Variants in LATS2 observed in about 807,000 individuals in gnomAD.
The protein encoded by LATS2 is serine/threonine-protein kinase LATS2.
A neutral mutation model predicts 76.0 loss-of-function variants in LATS2; 24 were observed. The ratio of observed to expected loss-of-function variants is 0.32; its 90% confidence interval spans 0.23 to 0.44. The LOEUF is 0.44. Among genes scored for constraint, LATS2 ranks in the 20% least tolerant of loss-of-function variants. The probability of loss-of-function intolerance (pLI) is 1.00; values close to 1 mark genes in which losing one functional copy is unlikely to be tolerated. For synonymous variants in LATS2, 692 were observed against 635.4 expected (o/e 1.09, Z -1.34); for missense variants, 1,286 against 1,481.2 (o/e 0.87, Z 2.16).
In LATS2 at chr13:20,988,231, G is replaced by C. The variant is rs1870266730; in HGVS notation, c.1549C>G (p.Pro517Ala). ...CGCAGCAGCAGGTGCTTCGGGTAGG[G>C]CGGAGGCGGGCACCTCCGGTCTGGG... Reference protein sequence around the residue: ...GGPDRRCPPPPYPKHLLLRSK... With the variant: ...GGPDRRCPPPAYPKHLLLRSK... The change falls in exon 4 of 8, where the codon CCC (proline) becomes GCC (alanine). Residue 517 changes from proline (P) to alanine (A), a missense_variant. Around this residue, in one of 5 missense-constraint regions of LATS2, gnomAD observed 710 missense variants for 660.9 expected, o/e 1.07. Transcript: ENST00000382592. 3 of 1,605,788 alleles carry C rather than the reference G, an allele frequency of 1.9e-6. No homozygotes were observed. The highest frequency in any genetic ancestry group is 2.7e-5 in the African/African-American group (2 of 74,842).
rs144004880 is a variant in LATS2 at position 21,008,376 on chromosome 13, GGGT to G, written c.343-16975_343-16973del. Among the ~76,000 whole-genome samples the G allele has an allele frequency of 9.5e-3, 1,445 of 152,208 alleles. 34 individuals are homozygous for G. Among genetic ancestry groups the G allele is most frequent in the African/African-American group, 0.033 (1,365 of 41,492 alleles). ...CCTCAGTGGGGAGGGGCAGCCCGCT[GGGT>G]GGTGTTGTTAGAATGACTTCAGACT... is the stretch of plus-strand genomic sequence containing the variant. On this transcript the variant is annotated intron_variant, in intron 2 of 7. Coordinates refer to ENST00000382592, the MANE Select transcript of LATS2 (RefSeq NM_014572.3).
chr13:20,986,254 C>T (rs186705548), intron 4 of LATS2, among the ~76,000 whole-genome samples: 1 of 152,290 alleles, frequency 6.6e-6, no homozygotes, highest in East Asian at 1.9e-4. Flanking sequence ...TACAATCTAC[C>T]AAACCCATTA....
At chr13:21,045,106 CTG>C (rs72137541) in intron 2 of LATS2, among the ~76,000 whole-genome samples, 104,557 of 151,700 alleles carry the variant, frequency 0.69, 37,835 homozygotes, top group Non-Finnish European at 0.82. Flanking sequence ...AAAAGTGAGA[CTG>C]TGTTGCCACA....
chr13:20,990,461 A>ATTTTTTTTTTTTTT lies in LATS2; in HGVS notation c.475+797_475+810dup, dbSNP rs35074574. On this transcript the variant is annotated intron_variant, in intron 3 of 7. Coordinates refer to ENST00000382592, the MANE Select transcript of LATS2 (RefSeq NM_014572.3). Reference sequence around the variant, plus strand: ...GGGAAAACTCTTGCTAATTACTAGGATTTTTTTTTTTTTTTTTTTTTTTTT... The same window carrying ATTTTTTTTTTTTTT: ...GGGAAAACTCTTGCTAATTACTAGGATTTTTTTTTTTTTTTTTTTTTTTTTTTTTTTTTTTTTTT... Among the ~76,000 whole-genome samples the ATTTTTTTTTTTTTT allele has an allele frequency of 7.4e-5, 7 of 94,522 alleles. 2 individuals carry two copies. The highest frequency in any genetic ancestry group is 2.1e-4 in the African/African-American group (5 of 24,378). 62.0% of individuals were successfully genotyped at this position (94,522 alleles called of 152,430 possible).
intron 1 of LATS2, among the ~76,000 whole-genome samples, chr13:21,048,078 C>T (rs1873135638): frequency 6.6e-6 from 1 of 152,218 alleles, no homozygotes; most frequent in African/African-American, 2.4e-5. Context: ...GTACTGGCCA[C>T]ATATCAGAAG....
chr13:20,978,303 G>C lies in LATS2; in HGVS notation c.2772+1388C>G, dbSNP rs185569296. On this transcript the variant is annotated intron_variant, in intron 7 of 7. Coordinates refer to ENST00000382592, the MANE Select transcript of LATS2 (RefSeq NM_014572.3). ...CCTGGTGGCTCACATGACCACCAGGGCATGTGAAAATTCCAAGGACTGTGT... is the reference window on the plus strand; with the variant it reads ...CCTGGTGGCTCACATGACCACCAGGCCATGTGAAAATTCCAAGGACTGTGT... Among the ~76,000 whole-genome samples, 303 of 152,168 alleles carry C rather than the reference G, an allele frequency of 2.0e-3. 2 individuals are homozygous for C. Among genetic ancestry groups the C allele is most frequent in the Admixed American group, 3.7e-3 (57 of 15,290 alleles).
intron 2 of LATS2, among the ~76,000 whole-genome samples, chr13:20,992,247 G>A (rs1431672150): frequency 6.6e-6 from 1 of 152,192 alleles, no homozygotes; most frequent in Non-Finnish European, 1.5e-5. Context: ...CAGCACGCAA[G>A]GGTAGGTGGA....
At chr13:21,007,602 AGT>A (rs1192850306) in intron 2 of LATS2, among the ~76,000 whole-genome samples, 235 of 2,462 alleles carry the variant, frequency 0.095, 52 homozygotes, top group African/African-American at 0.21. Context: ...ATATATATAT[AGT>A]GTGTATATAT....
At chr13:21,047,577 GAAC>G (rs554023070) in intron 1 of LATS2, among the ~76,000 whole-genome samples, 50 of 152,142 alleles carry the variant, frequency 3.3e-4, no homozygotes, top group Non-Finnish European at 6.0e-4. Flanking sequence ...AATAAACGAA[GAAC>G]AACTGATCCA....
At chr13:21,030,877 C>T (rs1872510414) in intron 2 of LATS2, among the ~76,000 whole-genome samples, 1 of 152,198 alleles carries the variant, frequency 6.6e-6, no homozygotes, top group East Asian at 1.9e-4. Context: ...ACACCCACCC[C>T]TTTAATATTT....
rs1870012889 is a variant in LATS2 at position 20,983,723 on chromosome 13, G to T, written c.1983C>A (p.Ala661=). The change falls in exon 5 of 8, where the codon GCC becomes GCA. Residue 661 remains alanine, a synonymous_variant. Coordinates refer to ENST00000382592, the MANE Select transcript of LATS2 (RefSeq NM_014572.3). Reference sequence around the variant, plus strand: ...TGACAAACATAGACTTGTCCATCTTGGCCCTCTTTAACCTGTTGTAATTAG... The same window carrying T: ...TGACAAACATAGACTTGTCCATCTTTGCCCTCTTTAACCTGTTGTAATTAG... The part of the protein sequence containing the change: ...KESNYNRLKR[A]KMDKSMFVKI... The T allele has an allele frequency of 6.2e-7, 1 of 1,614,030 alleles. No homozygotes were observed. The highest frequency in any genetic ancestry group is 1.3e-5 in the African/African-American group (1 of 74,992).
At chr13:21,043,246 G>A (rs565333184) in intron 2 of LATS2, among the ~76,000 whole-genome samples, 1 of 150,990 alleles carries the variant, frequency 6.6e-6, no homozygotes, top group Non-Finnish European at 1.5e-5. Flanking sequence ...GCTGAGGCAG[G>A]AGAATCACTT....
intron 2 of LATS2, among the ~76,000 whole-genome samples, chr13:21,014,667 T>C (rs1401572373): frequency 1.3e-5 from 2 of 152,354 alleles, no homozygotes; most frequent in East Asian, 3.9e-4. Flanking sequence ...AATCTGTTTA[T>C]GCAGCCAGCA....
chr13:21,055,858 A>G (rs1199341591), intron 1 of LATS2, among the ~76,000 whole-genome samples: 1 of 152,262 alleles, frequency 6.6e-6, no homozygotes, highest in African/African-American at 2.4e-5. Context: ...CCAGGCCTCC[A>G]GCCAGATGCT....
In LATS2 at chr13:21,034,383, C is replaced by T. The variant is rs540703583; in HGVS notation, c.342+11302G>A. On this transcript the variant is annotated intron_variant, in intron 2 of 7. Coordinates refer to ENST00000382592, the MANE Select transcript of LATS2 (RefSeq NM_014572.3). The stretch of plus-strand genomic sequence containing the variant: ...GGTGAAGTACACATTTCCAAGGCTG[C>T]TTAAACCCCCATGACCAAGTAACTG... 2.6e-3 allele frequency among the ~76,000 whole-genome samples: 390 copies of T among 152,264 alleles called. 1 individual carries two copies. Among genetic ancestry groups the T allele is most frequent in the Non-Finnish European group, 4.4e-3 (297 of 68,020 alleles).
At chr13:20,978,305 A>G (rs1206345023) in intron 7 of LATS2, among the ~76,000 whole-genome samples, 3 of 152,148 alleles carry the variant, frequency 2.0e-5, no homozygotes, top group Non-Finnish European at 4.4e-5. Flanking sequence ...CCACCAGGGC[A>G]TGTGAAAATT....
intron 2 of LATS2, among the ~76,000 whole-genome samples, chr13:21,022,466 C>T (rs1402099210): frequency 6.6e-6 from 1 of 152,180 alleles, no homozygotes; most frequent in Non-Finnish European, 1.5e-5. Context: ...TTGTACTGCA[C>T]GGTTAGAAGG....
chr13:20,989,818 GT>G (rs201109040), intron 3 of LATS2, among the ~76,000 whole-genome samples: 10 of 152,036 alleles, frequency 6.6e-5, no homozygotes, highest in Middle Eastern at 6.8e-3. Context: ...AGACTTTCTA[GT>G]TTTTTTTGTC....
chr13:20,983,114 T>C, intron 5 of LATS2, 110 bp downstream of exon 5: 2 of 681,384 alleles, frequency 2.9e-6, no homozygotes, highest in South Asian at 1.9e-5. Context: ...GAGTGACAGA[T>C]AAAAATTTCA....
Sources: allele counts gnomAD v4.1 joint callset (sites outside exome capture counted in the v4.1 genomes callset), GRCh38; gene constraint gnomAD v4.1.1; regional missense constraint gnomAD v4.1.1; transcripts MANE v1.5; gene names NCBI Gene and HGNC (gene_info 2026-07-23, HGNC 2026-07-21).